KCNJ16: variants seen among roughly 807,000 people sequenced by gnomAD.
KCNJ16 encodes inward rectifier potassium channel 16.
A neutral mutation model predicts 18.5 loss-of-function variants in KCNJ16; 15 were observed. That is an observed-to-expected ratio of 0.81 (90% CI 0.54 to 1.25). The LOEUF (loss-of-function observed/expected upper bound fraction) is 1.25, where lower values mean the gene tolerates loss of function less well. KCNJ16 is among the 50% of genes most tolerant of loss of function. The pLI, the probability that KCNJ16 is intolerant of heterozygous loss-of-function variation, is 0.00. For synonymous variants in KCNJ16, 174 were observed against 186.5 expected (o/e 0.93, Z 0.55); for missense variants, 523 against 525.7 (o/e 0.99, Z 0.05).
At chr17:70,128,726 T>C (rs2144247935) in intron 2 of KCNJ16, 1 of 152,288 alleles carries the variant, frequency 6.6e-6, no homozygotes, top group East Asian at 1.9e-4. Flanking sequence ...AATAAAAAAA[T>C]AAAAGTTTAA....
At chr17:70,115,686 T>G (rs2073373616) in intron 2 of KCNJ16, among the ~76,000 whole-genome samples, 1 of 152,180 alleles carries the variant, frequency 6.6e-6, no homozygotes, top group African/African-American at 2.4e-5. Context: ...CTCTGCTTCA[T>G]CCCTGATTTG....
intron 2 of KCNJ16, among the ~76,000 whole-genome samples, chr17:70,112,021 T>C (rs1368219884): frequency 6.6e-6 from 1 of 152,190 alleles, no homozygotes; most frequent in Non-Finnish European, 1.5e-5. Context: ...TTGATTCAAA[T>C]GAGAAGAATA....
chr17:70,091,897 C>T (rs2072106416), intron 1 of KCNJ16, among the ~76,000 whole-genome samples: 1 of 152,006 alleles, frequency 6.6e-6, no homozygotes. Flanking sequence ...GTTAACATTC[C>T]ATGTCCTGTG....
chr17:70,130,531 TAAAC>T (rs1196537048), intron 2 of KCNJ16, among the ~76,000 whole-genome samples: 1 of 152,174 alleles, frequency 6.6e-6, no homozygotes, highest in African/African-American at 2.4e-5. Context: ...AGTGGTGCAT[TAAAC>T]AAAGAGTTTA....
chr17:70,125,659 C>T (rs1265700951), intron 2 of KCNJ16, among the ~76,000 whole-genome samples: 4 of 152,034 alleles, frequency 2.6e-5, no homozygotes, highest in Admixed American at 2.0e-4. Context: ...GGCCAGGTGC[C>T]GTGGCTCACG....
Position 70,132,974 on chromosome 17 carries a change from G to T in KCNJ16, c.887G>T (p.Arg296Ile). The T allele has an allele frequency of 6.2e-7, 1 of 1,614,132 alleles. No individual in the cohort carries two copies. Among genetic ancestry groups the T allele is most frequent in the Non-Finnish European group, 8.5e-7 (1 of 1,180,012 alleles). Reference protein sequence around the residue: ...GDSTGTSHQSRSSYVPREILW... With the variant: ...GDSTGTSHQSISSYVPREILW... ...TCCACTGGAACATCTCACCAATCTA[G>T]AAGCTCCTATGTTCCCCGAGAAATT... Residue 296 changes from arginine to isoleucine, a missense_variant, in exon 4 of 4, where the codon AGA becomes ATA. Transcript: ENST00000392671.
chr17:70,133,474 T>C lies in KCNJ16; in HGVS notation c.*130T>C, dbSNP rs1044026841. 3 of 707,836 alleles carry C rather than the reference T, an allele frequency of 4.2e-6. No individual in the cohort carries two copies. The highest frequency in any genetic ancestry group is 3.1e-5 in the Admixed American group (1 of 32,150). The allele number at this position is 707,836 out of a possible 1,614,324, so 43.8% of individuals were successfully genotyped here. Reference sequence around the variant, plus strand: ...GATGATGCTGGGTAAGTAGAGTAAGTTAAACTTGGTAAAAGATAATCTAAA... The same window carrying C: ...GATGATGCTGGGTAAGTAGAGTAAGCTAAACTTGGTAAAAGATAATCTAAA... On this transcript the variant is annotated 3_prime_UTR_variant, in exon 4 of 4. Coordinates refer to ENST00000392671, the MANE Select transcript of KCNJ16 (RefSeq NM_170741.4).
rs193097181 is a variant in KCNJ16, at chr17:70,133,166, G to A, written c.1079G>A (p.Arg360Gln). The change falls in exon 4 of 4, where the codon CGA (arginine) becomes CAA (glutamine). Residue 360 changes from arginine (R) to glutamine (Q), a missense_variant. Transcript: ENST00000392671. The part of the protein sequence containing the change: ...QLHIEKAPPV[R>Q]ESCTSDTKAR... ...CACATAGAAAAAGCACCACCAGTTCGAGAATCCTGCACGTCGGACACCAAG... is the reference window on the plus strand; with the variant it reads ...CACATAGAAAAAGCACCACCAGTTCAAGAATCCTGCACGTCGGACACCAAG... 190 of 1,614,186 alleles carry A rather than the reference G, an allele frequency of 1.2e-4. No homozygotes were observed. Among genetic ancestry groups the A allele is most frequent in the Admixed American group, 1.7e-4 (10 of 60,014 alleles).
At chr17:70,130,738 A>T in intron 2 of KCNJ16, 141 bp from the exon 3 acceptor site, 1 of 572,240 alleles carries the variant, frequency 1.7e-6, no homozygotes, top group South Asian at 2.3e-5. Context: ...TATGTAATAG[A>T]GAGGCAGGAT....
rs186107685 is a variant in KCNJ16 at position 70,079,678 on chromosome 17, A to C, written c.-300+4288A>C. 2.2e-4 allele frequency among the ~76,000 whole-genome samples: 33 copies of C among 152,294 alleles called. No individual in the cohort carries two copies. In the East Asian group the frequency reaches 6.0e-3, roughly 28 times the overall value. On this transcript the variant is annotated intron_variant, in intron 1 of 3. Coordinates refer to ENST00000392671, the MANE Select transcript of KCNJ16 (RefSeq NM_170741.4). ...CATTTGCATATAGAAGCATCCATTA[A>C]TTTAGTACAGCATTTTTATTTTATT...
intron 1 of KCNJ16, among the ~76,000 whole-genome samples, chr17:70,083,239 T>C (rs540784267): frequency 1.3e-4 from 19 of 148,692 alleles, no homozygotes; most frequent in African/African-American, 3.9e-4. Flanking sequence ...TATATTATAA[T>C]ATATGTAGCA....
intron 1 of KCNJ16, among the ~76,000 whole-genome samples, chr17:70,095,902 A>G (rs1193835656): frequency 2.9e-5 from 2 of 69,944 alleles, no homozygotes; most frequent in African/African-American, 1.1e-4. Context: ...TTTTTTTTTG[A>G]GATGGAGTCT....
At chr17:70,114,291 T>C (rs2073312213) in intron 2 of KCNJ16, among the ~76,000 whole-genome samples, 1 of 152,066 alleles carries the variant, frequency 6.6e-6, no homozygotes, top group African/African-American at 2.4e-5. Context: ...TCCCAGCAGA[T>C]TGAATAGACT....
chr17:70,108,934 C>T (rs979381188), intron 2 of KCNJ16, among the ~76,000 whole-genome samples: 8 of 152,028 alleles, frequency 5.3e-5, no homozygotes, highest in African/African-American at 1.9e-4. Flanking sequence ...TCCACACGCA[C>T]GTCCTTCTGC....
At chr17:70,102,050 ATTC>A (rs1417066560) in intron 2 of KCNJ16, 1 of 152,092 alleles carries the variant, frequency 6.6e-6, no homozygotes, top group East Asian at 1.9e-4. Context: ...TGATTGAATT[ATTC>A]ATTTTCACCT....
chr17:70,082,250 C>T (rs1199054490), intron 1 of KCNJ16, among the ~76,000 whole-genome samples: 3 of 152,108 alleles, frequency 2.0e-5, no homozygotes, highest in Non-Finnish European at 2.9e-5. Flanking sequence ...TATAAAGAGC[C>T]TAACAGATTT....
At chr17:70,128,594 C>CTG (rs1313788891) in intron 2 of KCNJ16, 2 of 152,202 alleles carry the variant, frequency 1.3e-5, no homozygotes, top group African/African-American at 4.8e-5. Flanking sequence ...CAAGAAACGG[C>CTG]TGTGCTTTTA....
rs149242089 is a variant in KCNJ16 at position 70,131,101 on chromosome 17, T to C, written c.-94+126T>C. Reference sequence around the variant, plus strand: ...GAAAAGCCGGAGAGAAGGGTTCAATTGTAGCGTGCTCCCTTTAAGAGGGAA... The same window carrying C: ...GAAAAGCCGGAGAGAAGGGTTCAATCGTAGCGTGCTCCCTTTAAGAGGGAA... On this transcript the variant is annotated intron_variant, in intron 3 of 3. Transcript: ENST00000392671. 2,251 of 1,058,594 alleles carry C rather than the reference T, an allele frequency of 2.1e-3. 4 individuals are homozygous for C. The highest frequency in any genetic ancestry group is 2.9e-3 in the Non-Finnish European group (2,094 of 713,782). The allele number at this position is 1,058,594 out of a possible 1,614,324, so 65.6% of individuals were successfully genotyped here.
intron 1 of KCNJ16, among the ~76,000 whole-genome samples, 192 bp from the exon 2 acceptor site, chr17:70,100,461 TTTGTC>T (rs1227330775): frequency 6.6e-6 from 1 of 152,160 alleles, no homozygotes; most frequent in African/African-American, 2.4e-5. Context: ...TTATTTTCTG[TTTGTC>T]TTTTCACCAC....
Sources: allele counts gnomAD v4.1 joint callset (sites outside exome capture counted in the v4.1 genomes callset), GRCh38; gene constraint gnomAD v4.1.1; transcripts MANE v1.5; gene names NCBI Gene and HGNC (gene_info 2026-07-23, HGNC 2026-07-21).